The following ZNF446 variants were observed in gnomAD, a reference collection of about 807,000 sequenced individuals.
The protein encoded by ZNF446 is zinc finger protein 446.
A neutral mutation model predicts 34.0 loss-of-function variants in ZNF446; 42 were observed. That is an observed-to-expected ratio of 1.23 (90% CI 0.96 to 1.60). ZNF446 has a LOEUF of 1.60. ZNF446 is among the 40% of genes most tolerant of loss of function. The probability of loss-of-function intolerance (pLI) is 0.00; values close to 1 mark genes in which losing one functional copy is unlikely to be tolerated. For synonymous variants in ZNF446, 315 were observed against 251.0 expected, an observed-to-expected ratio of 1.25 and a Z score of -2.41; for missense variants, 650 against 600.2, an observed-to-expected ratio of 1.08 and a Z score of -0.87.
At chr19:58,478,285 C>G (rs2087556371) in intron 4 of ZNF446, 104 bp downstream of exon 4, 1 of 1,041,918 alleles carries the variant, frequency 9.6e-7, no homozygotes, top group Admixed American at 2.7e-5. Context: ...ACTAGTGGCT[C>G]TTTGCTTCCC....
rs1233534558 is a variant in ZNF446 at position 58,478,026 on chromosome 19, A to C, written c.533-61A>C. On this transcript the variant is annotated intron_variant, in intron 3 of 6. Transcript: ENST00000594369. ...ATGTCACACAGCAGAGGAGCTCCTC[A>C]TCTGCCATGGCTCATGTGGGCAGCC... 5 of 1,483,356 alleles carry C rather than the reference A, an allele frequency of 3.4e-6. No individual in the cohort carries two copies. In the African/African-American group the frequency reaches 4.2e-5, roughly 13 times the overall value. The allele number at this position is 1,483,356 out of a possible 1,614,324, so 91.9% of individuals were successfully genotyped here.
chr19:58,481,547 G>A (rs2053140320), downstream of ZNF446, among the ~76,000 whole-genome samples: 1 of 152,176 alleles, frequency 6.6e-6, no homozygotes. Flanking sequence ...AAGGCCATGG[G>A]TACTTCTAGG....
In ZNF446 at chr19:58,477,236, T is replaced by C. The variant is rs752616356; in HGVS notation, c.18T>C (p.Gly6=). MPSPL[G]PPCLPVMDPE... ...GAGCAAGAATGCCATCCCCTCTGGG[T>C]CCCCCATGCCTGCCCGTCATGGACC... Residue 6 remains glycine (G), a synonymous_variant, in exon 2 of 7, where the codon GGT becomes GGC. Coordinates refer to ENST00000594369, the MANE Select transcript of ZNF446 (RefSeq NM_017908.4). 6.3e-7 allele frequency: 1 copy of C among 1,576,116 alleles called. No individual in the cohort carries two copies. Among genetic ancestry groups the C allele is most frequent in the South Asian group, 1.1e-5 (1 of 87,422 alleles).
rs2053117785 is a variant in ZNF446 at position 58,479,520 on chromosome 19, A to AGCAGGAGGG, written c.628-118_628-110dup. The AGCAGGAGGG allele has an allele frequency of 3.1e-6, 3 of 982,572 alleles. No homozygotes were observed. The Admixed American group carries it at 7.1e-5, about 23-fold the overall frequency. 60.9% of individuals were successfully genotyped at this position (982,572 alleles called of 1,614,324 possible). A position where few individuals can be genotyped will look rare whatever the true frequency, so the allele number is the denominator to read the frequency against. On this transcript the variant is annotated intron_variant, in intron 4 of 6. Coordinates refer to ENST00000594369, the MANE Select transcript of ZNF446 (RefSeq NM_017908.4). The stretch of plus-strand genomic sequence containing the variant: ...AAACACACACCTTGAGATCATTCTC[A>AGCAGGAGGG]GCAGGAGGGGCAGATGAGGCGTAGG...
chr19:58,478,186 G>T lies in ZNF446; in HGVS notation c.627+5G>T, dbSNP rs756531418. ...TTCCACCCACCCAGGATTCAGGTGA[G>T]CAGCCCCAAGTGGGAAGTATAGGCC... On this transcript the variant is annotated splice_donor_5th_base_variant and intron_variant, in intron 4 of 6. Transcript: ENST00000594369. The T allele has an allele frequency of 6.2e-7, 1 of 1,613,242 alleles. No individual in the cohort carries two copies. Among genetic ancestry groups the T allele is most frequent in the Non-Finnish European group, 8.5e-7 (1 of 1,179,514 alleles).
At position 58,477,404 on chromosome 19, in the gene ZNF446, G is replaced by T; in HGVS notation, c.186G>T (p.Lys62Asn). ...GGCTGCAGCCTGAGGCACACTCCAAGGAGCAGATGCTGGAGATGCTGGTGC... is the reference window on the plus strand; with the variant it reads ...GGCTGCAGCCTGAGGCACACTCCAATGAGCAGATGCTGGAGATGCTGGTGC... ...CQWLQPEAHS[K>N]EQMLEMLVLE... is the part of the protein sequence containing the mutation. The change falls in exon 2 of 7, where the codon AAG (lysine) becomes AAT (asparagine). Residue 62 changes from lysine (K) to asparagine (N), a missense_variant. Coordinates refer to ENST00000594369, the MANE Select transcript of ZNF446 (RefSeq NM_017908.4). 6.2e-7 allele frequency: 1 copy of T among 1,613,464 alleles called. No homozygotes were observed. The highest frequency in any genetic ancestry group is 8.5e-7 in the Non-Finnish European group (1 of 1,180,020).
chr19:58,477,942 G>C, intron 3 of ZNF446, 116 bp downstream of exon 3: 1 of 1,316,536 alleles, frequency 7.6e-7, no homozygotes, highest in East Asian at 2.5e-5. Context: ...AAGTGAATGT[G>C]GATGTCCCTG....
At position 58,480,054 on chromosome 19, in the gene ZNF446, CT is replaced by C; in HGVS notation, c.802+36del. 11 of 1,566,580 alleles carry C rather than the reference CT, an allele frequency of 7.0e-6. No individual in the cohort carries two copies. Among genetic ancestry groups the C allele is most frequent in the Non-Finnish European group, 7.7e-6 (9 of 1,162,244 alleles). ...CCACACCATCCAGCCTGAATCACCC[CT>C]CCTGTATCGGTGGGACCTGAGCCAC... On this transcript the variant is annotated intron_variant, in intron 6 of 6. Coordinates refer to ENST00000594369, the MANE Select transcript of ZNF446 (RefSeq NM_017908.4). This position sits in a 1 kb window ranked among gnomAD's most constrained non-coding sequence, Gnocchi z 7.2.
chr19:58,487,802 C>G, the ZNF446 span, among the ~76,000 whole-genome samples: 20 of 152,156 alleles, frequency 1.3e-4, no homozygotes, highest in African/African-American at 4.8e-4. Context: ...GAGCAAGACT[C>G]TATCTCAAAA....
intron 4 of ZNF446, among the ~76,000 whole-genome samples, chr19:58,479,179 G>A (rs1192799046): frequency 1.3e-5 from 2 of 152,118 alleles, no homozygotes; most frequent in Non-Finnish European, 1.5e-5. Flanking sequence ...TGGGTAGGCT[G>A]CACTTCCCAG....
chr19:58,477,677 C>T lies in ZNF446; in HGVS notation c.383C>T (p.Ala128Val). Residue 128 changes from alanine (A) to valine (V), a missense_variant, in exon 3 of 7, where the codon GCC becomes GTC. Transcript: ENST00000594369. The part of the protein sequence containing the change: ...HVLKQEVLPA[A>V]QKTEEPLGSP... ...CTGAAGCAGGAGGTGCTCCCTGCAG[C>T]CCAGAAGACAGAGGAACCACTTGGG... The T allele has an allele frequency of 6.2e-7, 1 of 1,613,880 alleles. No individual in the cohort carries two copies.
intron 1 of ZNF446, among the ~76,000 whole-genome samples, chr19:58,476,950 C>G (rs1397050936): frequency 6.6e-6 from 1 of 152,164 alleles, no homozygotes; most frequent in East Asian, 1.9e-4. Context: ...AGGAAGCTCC[C>G]TGGACACCTT....
chr19:58,480,752 G>T lies in ZNF446; in HGVS notation c.*26G>T, dbSNP rs777508907. Reference sequence around the variant, plus strand: ...GCAGCCAGACAGCACAGTCCCTCGGGGCCTCGGTGTTCTCGGGGCCTGGAT... The same window carrying T: ...GCAGCCAGACAGCACAGTCCCTCGGTGCCTCGGTGTTCTCGGGGCCTGGAT... On this transcript the variant is annotated 3_prime_UTR_variant, in exon 7 of 7. Transcript: ENST00000594369. This position sits in a 1 kb window ranked among gnomAD's most constrained non-coding sequence, Gnocchi z 7.2. 1 of 1,584,422 alleles carries T rather than the reference G, an allele frequency of 6.3e-7. No homozygotes were observed. The highest frequency in any genetic ancestry group is 1.1e-5 in the South Asian group (1 of 90,116).
At chr19:58,488,632 A>G in the ZNF446 span, among the ~76,000 whole-genome samples, 1 of 151,598 alleles carries the variant, frequency 6.6e-6, no homozygotes, top group African/African-American at 2.4e-5. Flanking sequence ...CAGGTGGATC[A>G]TGAGGTCAGG....
At chr19:58,476,969 G>A (rs1034048153) in intron 1 of ZNF446, among the ~76,000 whole-genome samples, 3 of 152,122 alleles carry the variant, frequency 2.0e-5, no homozygotes, top group Non-Finnish European at 4.4e-5. Flanking sequence ...TTGCGTCCAA[G>A]CATTTGTCCC....
chr19:58,486,987 A>G, the ZNF446 span, among the ~76,000 whole-genome samples: 1 of 122,986 alleles, frequency 8.1e-6, no homozygotes, highest in Admixed American at 8.8e-5. Flanking sequence ...ATTTTAGTAG[A>G]GACGGGGTTT....
Position 58,480,574 on chromosome 19 carries a change from G to C in ZNF446, c.1201G>C (p.Gly401Arg). 1 of 1,612,948 alleles carries C rather than the reference G, an allele frequency of 6.2e-7. No individual in the cohort carries two copies. The highest frequency in any genetic ancestry group is 8.5e-7 in the Non-Finnish European group (1 of 1,179,974). ...GPRSYPCEEC[G>R]CSFSWKSQLV... ...CCGGAGTTACCCGTGTGAGGAGTGC[G>C]GGTGCAGCTTCAGCTGGAAGTCGCA... The change falls in exon 7 of 7, where the codon GGG becomes CGG. Residue 401 changes from glycine (G) to arginine (R), a missense_variant. Transcript: ENST00000594369. This position sits in a 1 kb window ranked among gnomAD's most constrained non-coding sequence, Gnocchi z 7.2.
the ZNF446 span, among the ~76,000 whole-genome samples, chr19:58,488,533 G>A: frequency 2.7e-5 from 4 of 148,634 alleles, no homozygotes; most frequent in African/African-American, 7.5e-5. Flanking sequence ...TAAAAGAAAA[G>A]GCATAAACAT....
At position 58,480,186 on chromosome 19, in the gene ZNF446, T is replaced by A; in HGVS notation, c.813T>A (p.Ser271Arg). The change falls in exon 7 of 7, where the codon AGT becomes AGA. Residue 271 changes from serine to arginine, a missense_variant. By Grantham distance (110) the Ser-to-Arg change is moderately radical. Transcript: ENST00000594369. The surrounding 1 kb of genome is among the most constrained non-coding windows in gnomAD (Gnocchi z 7.2). ...TGCCCCTGCCCCCAGGAAATGAGAGTGAGGGTCCACCTGGCTGCCCAGAGG... is the reference window on the plus strand; with the variant it reads ...TGCCCCTGCCCCCAGGAAATGAGAGAGAGGGTCCACCTGGCTGCCCAGAGG... ...VCRSLRSGNE[S>R]EGPPGCPEAQ... 1.3e-6 allele frequency: 2 copies of A among 1,592,716 alleles called. No homozygotes were observed. The highest frequency in any genetic ancestry group is 1.7e-6 in the Non-Finnish European group (2 of 1,176,852).
Sources: gnomAD v4.1 joint callset for allele counts (sites outside exome capture counted in the v4.1 genomes callset) on GRCh38, gnomAD v4.1.1 for gene constraint, Gnocchi (gnomAD v3.1) non-coding constraint, MANE v1.5 for transcripts, NCBI Gene and HGNC (gene_info 2026-07-23, HGNC 2026-07-21) for gene names.